Variants in CMTM4 observed in about 807,000 individuals in gnomAD.
The protein encoded by CMTM4 is CKLF-like MARVEL transmembrane domain-containing protein 4.
CMTM4 carries 8 observed loss-of-function variants against 19.0 expected under a neutral mutation model. That is an observed-to-expected ratio of 0.42 (90% CI 0.25 to 0.76). The LOEUF is 0.76. Among genes scored for constraint, CMTM4 ranks in the 30% least tolerant of loss-of-function variants. The pLI is 0.27. For synonymous variants in CMTM4, 106 were observed against 121.1 expected, an observed-to-expected ratio of 0.88 and a Z score of 0.82; for missense variants, 228 against 290.2, an observed-to-expected ratio of 0.79 and a Z score of 1.56.
At chr16:66,604,784 C>T in the CMTM4 span, 11 of 1,242,892 alleles carry the variant, frequency 8.9e-6, no homozygotes, top group African/African-American at 3.1e-5. Context: ...GGCCGAGCCC[C>T]GGCCCTACCG....
intron 1 of CMTM4, among the ~76,000 whole-genome samples, chr16:66,652,583 G>A (rs982961700): frequency 2.0e-5 from 3 of 152,130 alleles, no homozygotes; most frequent in Admixed American, 6.5e-5. Flanking sequence ...CACCTTCAAC[G>A]TAAATTTTCA....
chr16:66,623,858 T>C (rs1241500902), intron 2 of CMTM4, among the ~76,000 whole-genome samples: 1 of 152,176 alleles, frequency 6.6e-6, no homozygotes, highest in African/African-American at 2.4e-5. Flanking sequence ...AGGATCCAAA[T>C]GTACTAAAAC....
the CMTM4 span, among the ~76,000 whole-genome samples, chr16:66,600,132 G>T: frequency 2.8e-5 from 4 of 142,018 alleles, no homozygotes; most frequent in African/African-American, 8.2e-5. Context: ...GTGTGTGTGT[G>T]TGTGTTTTTT....
In CMTM4 at chr16:66,667,622, G is replaced by C. The variant is rs996757622; in HGVS notation, c.186+28718C>G. Among the ~76,000 whole-genome samples, 7 of 152,300 alleles carry C rather than the reference G, an allele frequency of 4.6e-5. No individual in the cohort carries two copies. In the East Asian group the frequency reaches 1.4e-3, roughly 29 times the overall value. On this transcript the variant is annotated intron_variant, in intron 1 of 3. Transcript: ENST00000394106. ...AAAGAAAAAAGGGCCGAGTGCGGTGGCTCATGCCTGTAACCCCGGCACTTT... is the reference window on the plus strand; with the variant it reads ...AAAGAAAAAAGGGCCGAGTGCGGTGCCTCATGCCTGTAACCCCGGCACTTT...
In CMTM4 at chr16:66,620,276, C is replaced by A; in HGVS notation, c.*1782G>T. The A allele has an allele frequency of 1.0e-6, 1 of 985,428 alleles. No individual in the cohort carries two copies. Among genetic ancestry groups the A allele is most frequent in the Non-Finnish European group, 1.2e-6 (1 of 829,948 alleles). The allele number at this position is 985,428 out of a possible 1,614,324, so 61.0% of individuals were successfully genotyped here. A position where few individuals can be genotyped will look rare whatever the true frequency, so the allele number is the denominator to read the frequency against. On this transcript the variant is annotated 3_prime_UTR_variant, in exon 4 of 4. Coordinates refer to ENST00000394106, the MANE Select transcript of CMTM4 (RefSeq NM_181521.3). ...TGACTTTGCAAACACACTCAACAGA[C>A]CTGACAGGCAGCACACCCAGCTGTG...
intron 1 of CMTM4, among the ~76,000 whole-genome samples, chr16:66,682,098 T>C (rs774772305): frequency 2.0e-5 from 3 of 152,198 alleles, no homozygotes; most frequent in Non-Finnish European, 2.9e-5. Context: ...CCAAGAGCTC[T>C]GGGAGCTCTT....
Position 66,617,743 on chromosome 16 carries a change from T to A in CMTM4, c.*4315A>T. 1 of 1,020,206 alleles carries A rather than the reference T, an allele frequency of 9.8e-7. No individual in the cohort carries two copies. The highest frequency in any genetic ancestry group is 1.2e-6 in the Non-Finnish European group (1 of 852,078). The allele number at this position is 1,020,206 out of a possible 1,614,324, so 63.2% of individuals were successfully genotyped here. On this transcript the variant is annotated 3_prime_UTR_variant, in exon 4 of 4. Transcript: ENST00000394106. Reference sequence around the variant, plus strand: ...AGCTAAAAGCTGAGGGTGTCAGGCCTGCGTCCTGTCTGAGATGGCAGCCAA... The same window carrying A: ...AGCTAAAAGCTGAGGGTGTCAGGCCAGCGTCCTGTCTGAGATGGCAGCCAA...
intron 1 of CMTM4, among the ~76,000 whole-genome samples, chr16:66,662,158 A>G (rs1185373999): frequency 6.6e-6 from 1 of 152,214 alleles, no homozygotes; most frequent in Non-Finnish European, 1.5e-5. Context: ...CAGTTAATGA[A>G]GTAGGTACAC....
rs117107736 is a variant in CMTM4, at chr16:66,637,531, C to T, written c.187-950G>A. The stretch of plus-strand genomic sequence containing the variant: ...TGCACTCTAGCCTGGGCAACAAGAA[C>T]GAAATTCCATCTCAAAAAAAAAGAA... On this transcript the variant is annotated intron_variant, in intron 1 of 3. Transcript: ENST00000394106. 9.8e-4 allele frequency among the ~76,000 whole-genome samples: 149 copies of T among 152,072 alleles called. 3 individuals carry two copies. The Middle Eastern group carries it at 0.02, about 21-fold the overall frequency.
At chr16:66,689,913 T>TTG (rs2017105171) in intron 1 of CMTM4, among the ~76,000 whole-genome samples, 1 of 152,220 alleles carries the variant, frequency 6.6e-6, no homozygotes, top group East Asian at 1.9e-4. Flanking sequence ...TATCATTTTC[T>TTG]TGAACTGTCT....
chr16:66,665,387 A>T (rs936769385), intron 1 of CMTM4, among the ~76,000 whole-genome samples: 6 of 152,070 alleles, frequency 3.9e-5, no homozygotes, highest in Non-Finnish European at 7.4e-5. Flanking sequence ...AGCTGAGAAT[A>T]GTTTTTAGAC....
intron 1 of CMTM4, among the ~76,000 whole-genome samples, chr16:66,677,417 G>A (rs926665114): frequency 3.9e-5 from 6 of 152,220 alleles, no homozygotes; most frequent in African/African-American, 1.4e-4. Context: ...CAGCAGCAGC[G>A]TGTTATTGTG....
intron 1 of CMTM4, among the ~76,000 whole-genome samples, chr16:66,655,116 T>G (rs2016374728): frequency 6.6e-6 from 1 of 152,066 alleles, no homozygotes; most frequent in African/African-American, 2.4e-5. Context: ...CCCAAGCAGC[T>G]GGTACCACAG....
intron 1 of CMTM4, among the ~76,000 whole-genome samples, chr16:66,658,219 GGGAGGGAGGGAAGGAGGGAA>G (rs1167705377): frequency 1.5e-4 from 22 of 149,290 alleles, no homozygotes; most frequent in Non-Finnish European, 2.7e-4. Context: ...AAGGGAGGTA[GGGAGGGAGGGAAGGAGGGAA>G]GGAGGGAGGG....
At chr16:66,657,952 T>A (rs2144853358) in intron 1 of CMTM4, among the ~76,000 whole-genome samples, 1 of 152,282 alleles carries the variant, frequency 6.6e-6, no homozygotes, top group South Asian at 2.1e-4. Flanking sequence ...CCAGGCTCCA[T>A]AACCATGCCT....
intron 2 of CMTM4, among the ~76,000 whole-genome samples, chr16:66,625,933 T>C (rs1159921006): frequency 1.3e-5 from 2 of 152,162 alleles, no homozygotes; most frequent in Non-Finnish European, 2.9e-5. Context: ...AGTGGCTGCC[T>C]CAAGGGCACA....
chr16:66,657,351 A>G (rs370521251), intron 1 of CMTM4, among the ~76,000 whole-genome samples: 1 of 152,146 alleles, frequency 6.6e-6, no homozygotes. Flanking sequence ...TTGGTCTCCC[A>G]AAGTACTGGG....
intron 1 of CMTM4, among the ~76,000 whole-genome samples, chr16:66,677,450 G>A (rs908467183): frequency 2.6e-5 from 4 of 152,230 alleles, no homozygotes; most frequent in Non-Finnish European, 5.9e-5. Flanking sequence ...TTCCAGCCAG[G>A]CTGAGGCTGG....
intron 2 of CMTM4, 45 bp downstream of exon 2, chr16:66,636,360 C>G (rs376083113): frequency 1.3e-4 from 203 of 1,528,574 alleles, no homozygotes; most frequent in Non-Finnish European, 1.8e-4. Flanking sequence ...TTGGAGCCAA[C>G]AGGCACGTGA....
Sources: gnomAD v4.1 joint callset for allele counts (sites outside exome capture counted in the v4.1 genomes callset) on GRCh38, gnomAD v4.1.1 for gene constraint, MANE v1.5 for transcripts, NCBI Gene and HGNC (gene_info 2026-07-23, HGNC 2026-07-21) for gene names.